The following TGM3 variants were observed in gnomAD, a reference collection of about 807,000 sequenced individuals.
The protein encoded by TGM3 is transglutaminase 3, also known as protein-glutamine gamma-glutamyltransferase E.
Under a neutral mutation model 73.8 loss-of-function variants are expected in TGM3, and 52 were observed. The observed-to-expected ratio is 0.70, with a 90% confidence interval of 0.56 to 0.89. The LOEUF is 0.89. Among genes scored for constraint, TGM3 ranks in the 40% least tolerant of loss-of-function variants. TGM3 has a pLI of 0.00. For synonymous variants in TGM3, 372 were observed against 354.9 expected (o/e 1.05, Z -0.54); for missense variants, 928 against 909.9 (o/e 1.02, Z -0.26).
At chr20:2,324,842 T>C (rs1379407455) in intron 7 of TGM3, among the ~76,000 whole-genome samples, 2 of 152,220 alleles carry the variant, frequency 1.3e-5, no homozygotes, top group East Asian at 1.9e-4. Flanking sequence ...TCTAAAATCA[T>C]AGTGCTTTGA....
intron 7 of TGM3, among the ~76,000 whole-genome samples, chr20:2,323,047 C>T (rs2084269891): frequency 6.6e-6 from 1 of 152,104 alleles, no homozygotes; most frequent in Admixed American, 6.6e-5. Context: ...TACATATATA[C>T]ACATAGGTTT....
Position 2,335,223 on chromosome 20 carries a change from G to A in TGM3, c.1750G>A (p.Val584Met). The A allele has an allele frequency of 1.2e-6, 2 of 1,614,244 alleles. No individual in the cohort carries two copies. The highest frequency in any genetic ancestry group is 1.7e-6 in the Non-Finnish European group (2 of 1,180,042). ...AVCKVPDESEVVVERDIILDN... is the reference protein window; with the variant it reads ...AVCKVPDESEMVVERDIILDN... ...GTGCAAGGTCCCAGATGAGTCTGAG[G>A]TGGTGGTGGAGCGGGACATCATCCT... The change falls in exon 11 of 13, where the codon GTG becomes ATG. Residue 584 changes from valine to methionine, a missense_variant. Coordinates refer to ENST00000381458, the MANE Select transcript of TGM3 (RefSeq NM_003245.4).
At chr20:2,316,696 CAGTGAT>C in intron 5 of TGM3, among the ~76,000 whole-genome samples, 1 of 152,288 alleles carries the variant, frequency 6.6e-6, no homozygotes, top group South Asian at 2.1e-4. Context: ...ACTGTGACAG[CAGTGAT>C]AGCCTGTGGA....
intron 1 of TGM3, among the ~76,000 whole-genome samples, chr20:2,300,258 AGAG>A (rs928117705): frequency 1.2e-3 from 183 of 152,258 alleles, no homozygotes; most frequent in African/African-American, 4.2e-3. Flanking sequence ...GAAAGAAAAG[AGAG>A]GAGAAGAGAA....
chr20:2,313,169 C>A, intron 5 of TGM3, 143 bp downstream of exon 5: 1 of 1,247,518 alleles, frequency 8.0e-7, no homozygotes, highest in Non-Finnish European at 1.1e-6. Flanking sequence ...CCACATTTTA[C>A]TAACTTGGAG....
rs750072448 is a variant in TGM3, at chr20:2,340,434, C to T, written c.1935C>T (p.Asp645=). Residue 645 remains aspartate (D), a splice_region_variant and synonymous_variant, in exon 13 of 13, where the codon GAC becomes GAT. Coordinates refer to ENST00000381458, the MANE Select transcript of TGM3 (RefSeq NM_003245.4). ...SGLLLGNLKI[D]VPTLGPKEGS... ...CACTGATCTGTGCCCTCCCCATCAG[C>T]GTGCCGACCCTAGGGCCCAAGGAGG... 23 of 1,613,884 alleles carry T rather than the reference C, an allele frequency of 1.4e-5. No homozygotes were observed. The highest frequency in any genetic ancestry group is 2.2e-5 in the East Asian group (1 of 44,870).
At chr20:2,335,024 C>A in intron 10 of TGM3, 92 bp from the exon 11 acceptor site, 2 of 1,501,624 alleles carry the variant, frequency 1.3e-6, no homozygotes, top group Non-Finnish European at 1.8e-6. Flanking sequence ...CTCCCACCAG[C>A]TCACCCTGCC....
intron 1 of TGM3, among the ~76,000 whole-genome samples, chr20:2,305,245 A>G (rs1479493522): frequency 1.6e-5 from 1 of 62,954 alleles, no homozygotes; most frequent in Admixed American, 2.3e-4. Flanking sequence ...GAAAGTCCCA[A>G]GTCTCTAGTC....
intron 1 of TGM3, among the ~76,000 whole-genome samples, chr20:2,299,966 C>A (rs1402039391): frequency 6.6e-6 from 1 of 151,932 alleles, no homozygotes; most frequent in Non-Finnish European, 1.5e-5. Context: ...CATGCTGGCA[C>A]GCACTTGTAG....
intron 1 of TGM3, among the ~76,000 whole-genome samples, chr20:2,298,586 A>G (rs568123122): frequency 6.6e-6 from 1 of 152,230 alleles, no homozygotes; most frequent in African/African-American, 2.4e-5. Context: ...TCCCATCTCA[A>G]GGCCTCATTT....
intron 11 of TGM3, among the ~76,000 whole-genome samples, chr20:2,337,156 A>G (rs1220649410): frequency 1.3e-5 from 2 of 152,170 alleles, no homozygotes. Flanking sequence ...TAAAAGAGAA[A>G]TAGCCCCTTG....
At chr20:2,340,019 A>AGGGTGGGAGG in intron 12 of TGM3, 32 bp downstream of exon 12, 2 of 140,060 alleles carry the variant, frequency 1.4e-5, no homozygotes, top group South Asian at 4.8e-5. Context: ...CCGGTGCAGG[A>AGGGTGGGAGG]GGGCGGGAGG....
chr20:2,311,581 G>T (rs994137989), intron 4 of TGM3, among the ~76,000 whole-genome samples: 1 of 152,094 alleles, frequency 6.6e-6, no homozygotes, highest in Non-Finnish European at 1.5e-5. Flanking sequence ...ATCCCCATTT[G>T]AGTCTACAGA....
intron 8 of TGM3, among the ~76,000 whole-genome samples, chr20:2,326,623 T>C (rs368226601): frequency 1.4e-4 from 21 of 151,892 alleles, no homozygotes; most frequent in African/African-American, 4.1e-4. Flanking sequence ...CCAAGGAGGG[T>C]GGATCTGTTG....
intron 7 of TGM3, among the ~76,000 whole-genome samples, chr20:2,321,769 A>G (rs1568628644): frequency 1.3e-5 from 2 of 152,066 alleles, no homozygotes. Flanking sequence ...ACAACCAGAA[A>G]CCCACACCGG....
chr20:2,312,814 T>C (rs1600696635), intron 4 of TGM3, 84 bp from the exon 5 acceptor site: 1 of 1,565,490 alleles, frequency 6.4e-7, no homozygotes, highest in Non-Finnish European at 8.7e-7. Flanking sequence ...ATAGTTCCTG[T>C]GGTTCTTGCC....
chr20:2,314,108 T>G (rs1051966154), intron 5 of TGM3, among the ~76,000 whole-genome samples: 12 of 151,998 alleles, frequency 7.9e-5, no homozygotes, highest in Admixed American at 3.9e-4. Context: ...AGGTGGAGAT[T>G]GTGGTGAGCC....
At chr20:2,308,215 T>C (rs1176261186) in intron 1 of TGM3, among the ~76,000 whole-genome samples, 1 of 152,168 alleles carries the variant, frequency 6.6e-6, no homozygotes, top group Non-Finnish European at 1.5e-5. Context: ...AGAGCCAGAC[T>C]CTGCCTCAAA....
At chr20:2,303,477 A>G (rs1160714266) in intron 1 of TGM3, among the ~76,000 whole-genome samples, 2 of 152,072 alleles carry the variant, frequency 1.3e-5, no homozygotes, top group South Asian at 2.1e-4. Context: ...GATAGTGGAG[A>G]TAATTGCATA....
Sources: allele counts gnomAD v4.1 joint callset (sites outside exome capture counted in the v4.1 genomes callset), GRCh38; gene constraint gnomAD v4.1.1; transcripts MANE v1.5; gene names NCBI Gene and HGNC (gene_info 2026-07-23, HGNC 2026-07-21).